Variants in SEMA5A observed in about 807,000 individuals in gnomAD.
SEMA5A encodes the protein semaphorin-5A.
In SEMA5A, 55 loss-of-function variants were observed where a neutral mutation model predicts 135.5. The observed-to-expected ratio is 0.41, with a 90% CI of 0.33 to 0.51. SEMA5A has a LOEUF of 0.51. Ranked by LOEUF, SEMA5A falls within the 20% of genes least tolerant of loss-of-function variation. The pLI, the probability that SEMA5A is intolerant of heterozygous loss-of-function variation, is 0.37. For synonymous variants in SEMA5A, 580 were observed against 546.5 expected (o/e 1.06, Z -0.85); for missense variants, 1,290 against 1,419.9 (o/e 0.91, Z 1.47).
intron 13 of SEMA5A, among the ~76,000 whole-genome samples, chr5:9,131,445 A>G (rs1741409111): frequency 6.6e-6 from 1 of 151,758 alleles, no homozygotes; most frequent in Non-Finnish European, 1.5e-5. Flanking sequence ...CGTCTCTACT[A>G]AAAACACAAA....
At chr5:9,519,647 A>G (rs1220130124) in intron 1 of SEMA5A, among the ~76,000 whole-genome samples, 1 of 152,188 alleles carries the variant, frequency 6.6e-6, no homozygotes, top group Admixed American at 6.5e-5. Context: ...TCCCATCACC[A>G]TGCATGTGCT....
At chr5:9,487,842 A>G (rs1197639486) in intron 1 of SEMA5A, among the ~76,000 whole-genome samples, 2 of 152,166 alleles carry the variant, frequency 1.3e-5, no homozygotes, top group Non-Finnish European at 2.9e-5. Flanking sequence ...TGAATGAGCA[A>G]TTGTTAGTAA....
intron 2 of SEMA5A, among the ~76,000 whole-genome samples, chr5:9,406,286 A>G (rs555393991): frequency 6.6e-6 from 1 of 152,324 alleles, no homozygotes; most frequent in South Asian, 2.1e-4. Context: ...AAAAGATAAC[A>G]CAGGCTTCTA....
At chr5:9,342,036 T>A (rs1350266601) in intron 3 of SEMA5A, among the ~76,000 whole-genome samples, 1 of 150,812 alleles carries the variant, frequency 6.6e-6, no homozygotes, top group Non-Finnish European at 1.5e-5. Context: ...ACTTGACAAA[T>A]ATAACTAGAG....
intron 5 of SEMA5A, among the ~76,000 whole-genome samples, chr5:9,295,866 C>T (rs1315723286): frequency 6.6e-6 from 1 of 152,124 alleles, no homozygotes; most frequent in Admixed American, 6.6e-5. Context: ...TGTTATATAT[C>T]TTCAGAGAAT....
chr5:9,120,810 C>T (rs963613663), intron 14 of SEMA5A, among the ~76,000 whole-genome samples: 1 of 147,702 alleles, frequency 6.8e-6, no homozygotes, highest in Admixed American at 6.8e-5. Context: ...GACAGAGTCT[C>T]GCTCTGTCGC....
rs562733140 is a variant in SEMA5A, at chr5:9,446,033, T to C, written c.-174-8181A>G. ...CTGTGAATGGAATGATCTAGAAATA[T>C]TAAACATAGCTCCGAGCTAAAGAAA... On this transcript the variant is annotated intron_variant, in intron 1 of 22. Coordinates refer to ENST00000382496, the MANE Select transcript of SEMA5A (RefSeq NM_003966.3). Among the ~76,000 whole-genome samples the C allele has an allele frequency of 2.6e-5, 4 of 152,304 alleles. No individual in the cohort carries two copies. In the South Asian group the frequency reaches 8.3e-4, roughly 32 times the overall value.
At chr5:9,431,529 C>T (rs568446525) in intron 2 of SEMA5A, among the ~76,000 whole-genome samples, 32 of 152,232 alleles carry the variant, frequency 2.1e-4, no homozygotes, top group South Asian at 4.2e-4. Flanking sequence ...CACAAACACA[C>T]ATGAAACCCC....
At chr5:9,526,269 A>G (rs1737118422) in intron 1 of SEMA5A, among the ~76,000 whole-genome samples, 1 of 150,784 alleles carries the variant, frequency 6.6e-6, no homozygotes, top group South Asian at 2.1e-4. Flanking sequence ...AAAGCATATT[A>G]AAAACATTTA....
At chr5:9,542,817 A>T (rs1020622726) in intron 1 of SEMA5A, among the ~76,000 whole-genome samples, 5 of 152,158 alleles carry the variant, frequency 3.3e-5, no homozygotes, top group Admixed American at 3.3e-4. Context: ...CTTGCACACC[A>T]TCTGCTTTGT....
intron 2 of SEMA5A, among the ~76,000 whole-genome samples, chr5:9,388,898 CAA>C (rs111310656): frequency 1.5e-5 from 2 of 136,584 alleles, no homozygotes; most frequent in Non-Finnish European, 1.6e-5. Context: ...GACTCCGTCT[CAA>C]AAAAAAAAAG....
intron 1 of SEMA5A, among the ~76,000 whole-genome samples, chr5:9,469,095 G>A (rs13171264): frequency 6.6e-6 from 1 of 151,724 alleles, no homozygotes; most frequent in African/African-American, 2.4e-5. Context: ...TGCAACCTCC[G>A]CCTCCCAGAT....
At chr5:9,413,616 G>A (rs188217350) in intron 2 of SEMA5A, among the ~76,000 whole-genome samples, 11 of 152,326 alleles carry the variant, frequency 7.2e-5, no homozygotes, top group Non-Finnish European at 1.3e-4. Flanking sequence ...GAAGAAGACA[G>A]ATTTAGAAGA....
intron 8 of SEMA5A, among the ~76,000 whole-genome samples, chr5:9,206,411 AG>A (rs1219450300): frequency 6.6e-6 from 1 of 152,322 alleles, no homozygotes; most frequent in East Asian, 1.9e-4. Context: ...CCATACAGAT[AG>A]GACTACCGAG....
intron 2 of SEMA5A, among the ~76,000 whole-genome samples, chr5:9,426,481 G>T (rs367632552): frequency 3.4e-5 from 1 of 29,218 alleles, no homozygotes; most frequent in Non-Finnish European, 9.7e-5. Flanking sequence ...TAAAATAAAT[G>T]TGTATTGTCA....
intron 11 of SEMA5A, among the ~76,000 whole-genome samples, chr5:9,170,797 G>T (rs534089048): frequency 6.6e-6 from 1 of 152,294 alleles, no homozygotes; most frequent in South Asian, 2.1e-4. Flanking sequence ...GTCGACAGTA[G>T]TTTTTTATAG....
chr5:9,132,805 T>C (rs73740344), intron 13 of SEMA5A, among the ~76,000 whole-genome samples: 11,477 of 152,264 alleles, frequency 0.075, 469 homozygotes, highest in South Asian at 0.15. Context: ...TGTAACAGGA[T>C]CTCCTGTCTT....
chr5:9,220,857 G>A (rs1267683254), intron 8 of SEMA5A, among the ~76,000 whole-genome samples: 1 of 152,146 alleles, frequency 6.6e-6, no homozygotes, highest in African/African-American at 2.4e-5. Context: ...GTGGGACTGG[G>A]GAGAACCACA....
chr5:9,318,159 C>T (rs1752471167), intron 5 of SEMA5A, among the ~76,000 whole-genome samples: 1 of 152,108 alleles, frequency 6.6e-6, no homozygotes, highest in African/African-American at 2.4e-5. Flanking sequence ...ACAAACAGGG[C>T]CACCTGACAG....
Sources: allele counts gnomAD v4.1 joint callset (sites outside exome capture counted in the v4.1 genomes callset), GRCh38; gene constraint gnomAD v4.1.1; transcripts MANE v1.5; gene names NCBI Gene and HGNC (gene_info 2026-07-23, HGNC 2026-07-21).